Variants in CFAP20DC observed in about 807,000 individuals in gnomAD.
CFAP20DC encodes CFAP20 domain containing, also known as protein CFAP20DC.
In CFAP20DC, 84 loss-of-function variants were observed where a neutral mutation model predicts 101.7. The ratio of observed to expected loss-of-function variants is 0.83; its 90% CI spans 0.69 to 0.99. The LOEUF is 0.99. CFAP20DC is among the 50% of genes least tolerant of loss of function. The pLI is 0.00. For synonymous variants in CFAP20DC, 359 were observed against 351.2 expected (o/e 1.02, Z -0.25); for missense variants, 1,007 against 970.3 (o/e 1.04, Z -0.50).
chr3:58,926,740 T>C (rs1002795672), intron 5 of CFAP20DC, among the ~76,000 whole-genome samples: 2 of 152,202 alleles, frequency 1.3e-5, no homozygotes, highest in Non-Finnish European at 2.9e-5. Context: ...AGAGCTGTGG[T>C]TCAAGATGGA....
chr3:58,754,995 G>C (rs187861958), intron 15 of CFAP20DC, among the ~76,000 whole-genome samples: 2 of 152,146 alleles, frequency 1.3e-5, no homozygotes, highest in Non-Finnish European at 2.9e-5. Flanking sequence ...ATCATGGTGT[G>C]GACTTACCTA....
chr3:58,859,703 T>C lies in CFAP20DC; in HGVS notation c.1593+3855A>G, dbSNP rs1397442332. Among the ~76,000 whole-genome samples the C allele has an allele frequency of 6.6e-6, 1 of 152,200 alleles. No individual in the cohort carries two copies. Among genetic ancestry groups the C allele is most frequent in the Non-Finnish European group, 1.5e-5 (1 of 68,036 alleles). On this transcript the variant is annotated intron_variant, in intron 12 of 16. Transcript: ENST00000482387. This position sits in a 1 kb window ranked among gnomAD's most constrained non-coding sequence, Gnocchi z 4.1. ...TATACAGAATATGTTATGTTCTAAT[T>C]CATAATACATAGGAATAAAAATGCA...
At chr3:58,725,040 C>A (rs2067529643) in intron 3 of CFAP20DC, among the ~76,000 whole-genome samples, 1 of 152,164 alleles carries the variant, frequency 6.6e-6, no homozygotes, top group African/African-American at 2.4e-5. Context: ...ACAATTATGG[C>A]AATAATAGCT....
chr3:58,744,943 AGCT>A (rs2068093574), intron 16 of CFAP20DC, among the ~76,000 whole-genome samples: 1 of 152,142 alleles, frequency 6.6e-6, no homozygotes, highest in Non-Finnish European at 1.5e-5. Context: ...GCTTTTGATG[AGCT>A]TCTGTGACTC....
intron 4 of CFAP20DC, among the ~76,000 whole-genome samples, chr3:59,022,482 C>T (rs1465355933): frequency 6.6e-6 from 1 of 152,008 alleles, no homozygotes; most frequent in Non-Finnish European, 1.5e-5. Flanking sequence ...TATTTCAAAT[C>T]CTTGCTTGTA....
intron 4 of CFAP20DC, among the ~76,000 whole-genome samples, chr3:59,038,213 T>C (rs1342486306): frequency 2.0e-5 from 3 of 152,234 alleles, no homozygotes; most frequent in Non-Finnish European, 2.9e-5. Context: ...CGAACCACCA[T>C]GGCACGTGTA....
chr3:59,036,397 C>A (rs2094103993), intron 4 of CFAP20DC, among the ~76,000 whole-genome samples: 1 of 152,084 alleles, frequency 6.6e-6, no homozygotes, highest in African/African-American at 2.4e-5. Context: ...TTTAGAAAAC[C>A]CCATCGTCTC....
chr3:58,827,476 G>C (rs1229901796), intron 14 of CFAP20DC, among the ~76,000 whole-genome samples: 2 of 151,960 alleles, frequency 1.3e-5, no homozygotes, highest in Non-Finnish European at 2.9e-5. Flanking sequence ...TACGCAAGCT[G>C]ACAGAGAAAC....
At chr3:59,048,763 G>GT in intron 1 of CFAP20DC, among the ~76,000 whole-genome samples, 1 of 152,290 alleles carries the variant, frequency 6.6e-6, no homozygotes, top group Middle Eastern at 3.4e-3. Context: ...ATTAGATACA[G>GT]TAACAAACGT....
chr3:58,940,469 G>A (rs911090986), intron 4 of CFAP20DC, among the ~76,000 whole-genome samples: 1 of 152,178 alleles, frequency 6.6e-6, no homozygotes, highest in African/African-American at 2.4e-5. Flanking sequence ...TGACATAGGG[G>A]TTGGAGTTCT....
At chr3:58,987,679 C>G (rs2092797193) in intron 4 of CFAP20DC, among the ~76,000 whole-genome samples, 1 of 151,838 alleles carries the variant, frequency 6.6e-6, no homozygotes, top group Admixed American at 6.6e-5. Context: ...ACATATATAG[C>G]TATCTATAAA....
chr3:58,717,308 G>A (rs2107035888), downstream of CFAP20DC: 1 of 183,322 alleles, frequency 5.5e-6, no homozygotes, highest in African/African-American at 2.4e-5. The surrounding 1 kb of genome is among the most constrained non-coding windows in gnomAD (Gnocchi z 4.1). Context: ...AAGCATTGCT[G>A]ATACTACCCT....
At chr3:58,843,554 A>G (rs1434293523) in intron 13 of CFAP20DC, among the ~76,000 whole-genome samples, 272 of 151,850 alleles carry the variant, frequency 1.8e-3, no homozygotes, top group African/African-American at 5.8e-3. Context: ...ACCTGAAAGT[A>G]ATGGGGAGAA....
At position 58,897,849 on chromosome 3, in the gene CFAP20DC, A is replaced by G. The variant is rs2082794538; in HGVS notation, c.551-13140T>C. ...TTTGACCTTGGAGAATCTGACGATT[A>G]TGTGCCTTGGCATTGATCGTCTCAT... On this transcript the variant is annotated intron_variant, in intron 6 of 16. Coordinates refer to ENST00000482387, the MANE Select transcript of CFAP20DC (RefSeq NM_001394063.1). This position sits in a 1 kb window ranked among gnomAD's most constrained non-coding sequence, Gnocchi z 4.4. 6.6e-6 allele frequency among the ~76,000 whole-genome samples: 1 copy of G among 152,128 alleles called. No individual in the cohort carries two copies. Among genetic ancestry groups the G allele is most frequent in the African/African-American group, 2.4e-5 (1 of 41,424 alleles).
chr3:58,889,535 T>C (rs1271126398), intron 6 of CFAP20DC, among the ~76,000 whole-genome samples: 4 of 106,340 alleles, frequency 3.8e-5, no homozygotes, highest in Non-Finnish European at 7.3e-5. Context: ...TTTTTTTTTC[T>C]TTTTTTCTTT....
At chr3:58,816,892 C>G (rs2075215146) in intron 14 of CFAP20DC, among the ~76,000 whole-genome samples, 1 of 152,312 alleles carries the variant, frequency 6.6e-6, no homozygotes, top group South Asian at 2.1e-4. Flanking sequence ...GTGTCCCTGT[C>G]TGACAGCTTG....
chr3:58,910,387 G>T (rs1213591626), intron 6 of CFAP20DC, among the ~76,000 whole-genome samples: 1 of 152,070 alleles, frequency 6.6e-6, no homozygotes, highest in Non-Finnish European at 1.5e-5. Flanking sequence ...GATGCATATA[G>T]AACTTTAGGT....
chr3:58,934,631 T>A (rs1466994697), intron 5 of CFAP20DC, among the ~76,000 whole-genome samples: 12 of 152,144 alleles, frequency 7.9e-5, no homozygotes, highest in Non-Finnish European at 1.5e-4. Flanking sequence ...TGCAAATCAA[T>A]AAATGTAATC....
intron 5 of CFAP20DC, among the ~76,000 whole-genome samples, chr3:58,915,734 A>T (rs982053349): frequency 1.3e-5 from 2 of 152,290 alleles, no homozygotes; most frequent in Non-Finnish European, 2.9e-5. Context: ...TTATGGTATT[A>T]TATGCAAATA....
Sources: gnomAD v4.1 joint callset for allele counts (sites outside exome capture counted in the v4.1 genomes callset) on GRCh38, gnomAD v4.1.1 for gene constraint, Gnocchi (gnomAD v3.1) non-coding constraint, MANE v1.5 for transcripts, NCBI Gene and HGNC (gene_info 2026-07-23, HGNC 2026-07-21) for gene names.